PSD3: variants seen among roughly 807,000 people sequenced by gnomAD.
PSD3 encodes the protein pleckstrin and Sec7 domain containing 3, also known as PH and SEC7 domain-containing protein 3.
In PSD3, 49 loss-of-function variants were observed where a neutral mutation model predicts 105.5. The ratio of observed to expected loss-of-function variants is 0.46; its 90% CI spans 0.37 to 0.59. The LOEUF (loss-of-function observed/expected upper bound fraction) is 0.59. Ranked by LOEUF, PSD3 falls within the 20% of genes least tolerant of loss-of-function variation. The pLI is 0.00. For synonymous variants in PSD3, 557 were observed against 457.8 expected, an observed-to-expected ratio of 1.22 and a Z score of -2.77; for missense variants, 1,561 against 1,263.8, an observed-to-expected ratio of 1.24 and a Z score of -3.57.
At chr8:18,733,656 T>G (rs1803933698) in intron 9 of PSD3, 1 of 152,744 alleles carries the variant, frequency 6.5e-6, no homozygotes, top group Admixed American at 6.5e-5. Flanking sequence ...TAGACAAATG[T>G]GCCATGTCAC....
At chr8:18,543,632 A>G (rs978268316) in intron 15 of PSD3, among the ~76,000 whole-genome samples, 36 of 152,134 alleles carry the variant, frequency 2.4e-4, no homozygotes, top group African/African-American at 8.7e-4. Flanking sequence ...ACAAAAAAAA[A>G]AACAACAACA....
chr8:18,868,179 A>T, intron 3 of PSD3, 110 bp from the exon 4 acceptor site: 2 of 1,195,996 alleles, frequency 1.7e-6, no homozygotes, highest in Non-Finnish European at 2.3e-6. Flanking sequence ...TCTTCTATTC[A>T]TTGACTTATA....
chr8:18,786,667 T>C (rs1167669440), intron 8 of PSD3: 1 of 152,236 alleles, frequency 6.6e-6, no homozygotes, highest in Non-Finnish European at 1.5e-5. Context: ...AGTAAGCAAG[T>C]ATTAGTACAA....
chr8:18,683,244 A>G (rs1485192500), intron 9 of PSD3, among the ~76,000 whole-genome samples: 2 of 152,226 alleles, frequency 1.3e-5, no homozygotes, highest in Admixed American at 6.5e-5. Context: ...ATTTCTCTTC[A>G]TTACATATGC....
intron 9 of PSD3, among the ~76,000 whole-genome samples, chr8:18,680,302 C>G (rs1282882663): frequency 6.6e-6 from 1 of 152,134 alleles, no homozygotes; most frequent in East Asian, 1.9e-4. Context: ...CCAAGGGTAC[C>G]CGAATACCCG....
intron 12 of PSD3, among the ~76,000 whole-genome samples, chr8:18,580,518 C>A (rs1802745071): frequency 6.6e-6 from 1 of 152,014 alleles, no homozygotes. Flanking sequence ...CCACTGTGTT[C>A]CAGCCTGGGT....
chr8:18,669,876 T>C (rs557496563), intron 9 of PSD3, among the ~76,000 whole-genome samples: 5 of 152,332 alleles, frequency 3.3e-5, no homozygotes, highest in East Asian at 1.9e-4. Flanking sequence ...ACACTTATAA[T>C]AGTAAAAATA....
At chr8:18,878,207 G>C (rs151092584) in intron 2 of PSD3, among the ~76,000 whole-genome samples, 34 of 151,438 alleles carry the variant, frequency 2.2e-4, no homozygotes, top group Middle Eastern at 3.4e-3. Context: ...TATTTCTTTT[G>C]ATATTGCTTT....
At chr8:18,593,493 T>G (rs1563357395) in intron 12 of PSD3, among the ~76,000 whole-genome samples, 1 of 152,136 alleles carries the variant, frequency 6.6e-6, no homozygotes, top group Admixed American at 6.5e-5. Context: ...GGAGAGGATG[T>G]GGAGAAATAG....
chr8:18,772,626 G>A (rs1220748873), intron 8 of PSD3, among the ~76,000 whole-genome samples: 8 of 151,864 alleles, frequency 5.3e-5, no homozygotes, highest in Admixed American at 2.0e-4. Flanking sequence ...CTCCTGACTC[G>A]GCCTCCCAAG....
intron 9 of PSD3, among the ~76,000 whole-genome samples, chr8:18,721,939 G>C (rs2129427106): frequency 6.6e-6 from 1 of 152,038 alleles, no homozygotes; most frequent in Admixed American, 6.6e-5. Flanking sequence ...TTTTTAAGTA[G>C]GTCACACATA....
chr8:18,562,139 G>C (rs6991942), intron 14 of PSD3, among the ~76,000 whole-genome samples: 3 of 152,108 alleles, frequency 2.0e-5, no homozygotes, highest in Non-Finnish European at 4.4e-5. Flanking sequence ...CTCACCGAGC[G>C]CCCATACAGC....
chr8:18,772,814 T>C (rs1807666949), intron 8 of PSD3, among the ~76,000 whole-genome samples: 1 of 152,202 alleles, frequency 6.6e-6, no homozygotes, highest in African/African-American at 2.4e-5. Context: ...CCGGCCCTTG[T>C]GAACATTTCT....
intron 1 of PSD3, among the ~76,000 whole-genome samples, chr8:18,990,250 G>T (rs2059658): frequency 0.31 from 46,737 of 152,100 alleles, 7,408 homozygotes; most frequent in Non-Finnish European, 0.35. Context: ...GACCTTCCAT[G>T]TTCACAGGAT....
chr8:18,862,892 CAA>C (rs763451398), intron 4 of PSD3, among the ~76,000 whole-genome samples: 87 of 79,412 alleles, frequency 1.1e-3, no homozygotes, highest in Admixed American at 1.3e-3. Flanking sequence ...AAGAGCAAGG[CAA>C]AAAAAAAAAA....
At chr8:18,838,079 G>A (rs867459914) in intron 4 of PSD3, among the ~76,000 whole-genome samples, 1 of 152,176 alleles carries the variant, frequency 6.6e-6, no homozygotes, top group Non-Finnish European at 1.5e-5. Context: ...TTATCTCATT[G>A]ATCAAATGAA....
intron 1 of PSD3, among the ~76,000 whole-genome samples, chr8:19,070,444 G>A (rs1430285203): frequency 1.3e-5 from 2 of 150,946 alleles, no homozygotes; most frequent in Non-Finnish European, 2.9e-5. Flanking sequence ...GGGAGGCCGA[G>A]GTTGGTAGAT....
chr8:18,692,177 T>G (rs1210197768), intron 9 of PSD3, among the ~76,000 whole-genome samples: 1 of 152,210 alleles, frequency 6.6e-6, no homozygotes, highest in Non-Finnish European at 1.5e-5. Context: ...TTAACTTCCC[T>G]CATTCACTGT....
At chr8:18,712,666 C>T (rs1802327558) in intron 9 of PSD3, among the ~76,000 whole-genome samples, 1 of 151,960 alleles carries the variant, frequency 6.6e-6, no homozygotes, top group African/African-American at 2.4e-5. Flanking sequence ...ACAAAAAAGC[C>T]CAGGACCAGA....
Sources: allele counts gnomAD v4.1 joint callset (sites outside exome capture counted in the v4.1 genomes callset), GRCh38; gene constraint gnomAD v4.1.1; transcripts MANE v1.5; gene names NCBI Gene and HGNC (gene_info 2026-07-23, HGNC 2026-07-21).